The following WDR41 variants were observed in gnomAD, a reference collection of about 807,000 sequenced individuals.
WDR41 encodes the protein WD repeat domain 41.
Under a neutral mutation model 69.3 loss-of-function variants are expected in WDR41, and 63 were observed. The observed-to-expected ratio is 0.91, with a 90% CI of 0.74 to 1.12. WDR41 has a LOEUF of 1.12. Ranked by LOEUF, WDR41 falls within the 50% of genes most tolerant of loss-of-function variation. WDR41 has a pLI of 0.00. For synonymous variants in WDR41, 185 were observed against 192.1 expected, an observed-to-expected ratio of 0.96 and a Z score of 0.31; for missense variants, 543 against 534.5, an observed-to-expected ratio of 1.02 and a Z score of -0.16.
chr5:77,470,680 G>GA (rs768663221), intron 2 of WDR41, among the ~76,000 whole-genome samples: 21 of 152,154 alleles, frequency 1.4e-4, no homozygotes, highest in Non-Finnish European at 1.6e-4. Context: ...AAGAGACAAA[G>GA]AAGGCCATTA....
chr5:77,461,061 ACTTCTGT>A (rs1369281343), intron 4 of WDR41, among the ~76,000 whole-genome samples: 2 of 152,180 alleles, frequency 1.3e-5, no homozygotes, highest in African/African-American at 4.8e-5. Context: ...CCAGCTACTA[ACTTCTGT>A]ATGTAATTTT....
intron 1 of WDR41, among the ~76,000 whole-genome samples, chr5:77,553,512 T>TG (rs1743335821): frequency 6.6e-6 from 1 of 152,220 alleles, no homozygotes; most frequent in Admixed American, 6.5e-5. Context: ...ACATGAATTT[T>TG]GGAGGGAATG....
intron 8 of WDR41, among the ~76,000 whole-genome samples, chr5:77,448,782 C>T (rs1313059853): frequency 2.0e-5 from 3 of 151,958 alleles, no homozygotes; most frequent in Non-Finnish European, 4.4e-5. Context: ...GCAGAAGAAT[C>T]GCTTGAACCC....
chr5:77,470,905 T>G (rs1800567513), intron 2 of WDR41, among the ~76,000 whole-genome samples: 1 of 152,114 alleles, frequency 6.6e-6, no homozygotes, highest in Non-Finnish European at 1.5e-5. Context: ...GGAATTGAAC[T>G]TAGCTCTGCA....
At position 77,451,202 on chromosome 5, in the gene WDR41, T is replaced by TC. The variant is rs1799614468; in HGVS notation, c.586+88dup. On this transcript the variant is annotated intron_variant, in intron 7 of 12. Coordinates refer to ENST00000296679, the MANE Select transcript of WDR41 (RefSeq NM_018268.4). ...AGCCAAGAGTGGGGCACACGCAATG[T>TC]CCCTTAAATAAAAAATTACTTTAGT... 5 of 1,228,616 alleles carry TC rather than the reference T, an allele frequency of 4.1e-6. No homozygotes were observed. The East Asian group carries it at 1.2e-4, about 29-fold the overall frequency. 76.1% of individuals were successfully genotyped at this position (1,228,616 alleles called of 1,614,324 possible). A position where few individuals can be genotyped will look rare whatever the true frequency, so the allele number is the denominator to read the frequency against.
chr5:77,443,002 G>A (rs1799236754), intron 8 of WDR41, among the ~76,000 whole-genome samples: 1 of 141,240 alleles, frequency 7.1e-6, no homozygotes, highest in South Asian at 2.3e-4. Context: ...TCAAATAAAT[G>A]TAATTTATTT....
At chr5:77,558,188 A>G (rs1743449158) in intron 1 of WDR41, among the ~76,000 whole-genome samples, 1 of 151,448 alleles carries the variant, frequency 6.6e-6, no homozygotes, top group Non-Finnish European at 1.5e-5. Context: ...TTAAATTAAT[A>G]TTTAACTTTA....
chr5:77,608,733 A>C lies in WDR41; in HGVS notation c.42+11746T>G, dbSNP rs553927035. On this transcript the variant is annotated intron_variant, in intron 1 of 5. Coordinates refer to the WDR41 transcript ENST00000509971. ...CAGCTCCCAGCGTGAGTGACGCAGAAGATGGGTGATTTCTGCATTTCCATC... is the reference window on the plus strand; with the variant it reads ...CAGCTCCCAGCGTGAGTGACGCAGACGATGGGTGATTTCTGCATTTCCATC... 3.3e-5 allele frequency among the ~76,000 whole-genome samples: 5 copies of C among 152,370 alleles called. No homozygotes were observed. The East Asian group carries it at 9.7e-4, about 29-fold the overall frequency.
intron 8 of WDR41, among the ~76,000 whole-genome samples, chr5:77,442,894 C>CAAAAAAAAA (rs60442242): frequency 2.8e-4 from 16 of 56,266 alleles, no homozygotes; most frequent in Non-Finnish European, 3.6e-4. Flanking sequence ...TCTGTCTCCC[C>CAAAAAAAAA]AAAAAAAAAA....
chr5:77,604,728 A>C (rs1047367767), intron 1 of WDR41, among the ~76,000 whole-genome samples: 4 of 152,216 alleles, frequency 2.6e-5, no homozygotes, highest in African/African-American at 9.6e-5. Flanking sequence ...GAAAAGACCA[A>C]AACCGACCTA....
At chr5:77,515,221 G>C (rs1802275613) in intron 1 of WDR41, among the ~76,000 whole-genome samples, 1 of 151,858 alleles carries the variant, frequency 6.6e-6, no homozygotes, top group Non-Finnish European at 1.5e-5. Flanking sequence ...CTTATTCTAT[G>C]AGCCTTTTTC....
At chr5:77,617,939 A>G (rs893742921) in intron 1 of WDR41, among the ~76,000 whole-genome samples, 23 of 152,240 alleles carry the variant, frequency 1.5e-4, no homozygotes, top group African/African-American at 5.5e-4. Context: ...AATTCCAGTC[A>G]TGGGCTGCAG....
chr5:77,578,747 C>G (rs1190483426), intron 1 of WDR41, among the ~76,000 whole-genome samples: 4 of 151,244 alleles, frequency 2.6e-5, no homozygotes, highest in Non-Finnish European at 4.4e-5. Flanking sequence ...GCCTGTAATC[C>G]CAGCTACTCA....
At chr5:77,552,003 A>C (rs1292150237) in intron 1 of WDR41, among the ~76,000 whole-genome samples, 1 of 67,236 alleles carries the variant, frequency 1.5e-5, no homozygotes, top group African/African-American at 6.0e-5. Flanking sequence ...AATAAAATAA[A>C]ATAAAATAAA....
At chr5:77,460,010 C>T in intron 4 of WDR41, among the ~76,000 whole-genome samples, 1 of 146,070 alleles carries the variant, frequency 6.8e-6, no homozygotes, top group Non-Finnish European at 1.5e-5. Context: ...TATAGTTGGG[C>T]AAAAAAAAAA....
intron 1 of WDR41, among the ~76,000 whole-genome samples, chr5:77,553,583 A>C (rs1743337324): frequency 6.6e-6 from 1 of 152,210 alleles, no homozygotes; most frequent in Non-Finnish European, 1.5e-5. Flanking sequence ...TAAATTCTAG[A>C]ATATGTAAAG....
chr5:77,565,363 A>G (rs979312646), intron 1 of WDR41, among the ~76,000 whole-genome samples: 3 of 152,156 alleles, frequency 2.0e-5, no homozygotes, highest in African/African-American at 4.8e-5. Context: ...AAAAGTCTCC[A>G]TAACCTAGCC....
intron 1 of WDR41, among the ~76,000 whole-genome samples, chr5:77,601,412 A>G (rs1744321136): frequency 1.3e-5 from 2 of 152,160 alleles, no homozygotes; most frequent in South Asian, 4.1e-4. Flanking sequence ...ATAGCATAGT[A>G]TTTTCTCAAA....
intron 1 of WDR41, among the ~76,000 whole-genome samples, chr5:77,569,422 G>A (rs1743692964): frequency 6.6e-6 from 1 of 152,024 alleles, no homozygotes; most frequent in South Asian, 2.1e-4. Flanking sequence ...ATTAAATGCT[G>A]TGAGTATTGT....
Sources: allele counts gnomAD v4.1 joint callset (sites outside exome capture counted in the v4.1 genomes callset), GRCh38; gene constraint gnomAD v4.1.1; transcripts MANE v1.5; gene names NCBI Gene and HGNC (gene_info 2026-07-23, HGNC 2026-07-21).